The following TAB2 variants were observed in gnomAD, a reference collection of about 807,000 sequenced individuals.
TAB2 encodes the protein TGF-beta-activated kinase 1 and MAP3K7-binding protein 2.
A neutral mutation model predicts 65.0 loss-of-function variants in TAB2; 3 were observed. The ratio of observed to expected loss-of-function variants is 0.05; its 90% CI spans 0.02 to 0.12. The LOEUF is 0.12. Ranked by LOEUF, TAB2 falls within the 10% of genes least tolerant of loss-of-function variation. The pLI is 1.00. For missense variants in TAB2, 623 were observed against 840.3 expected (o/e 0.74, Z 3.20); for synonymous variants, 298 against 285.1 (o/e 1.05, Z -0.46).
chr6:149,380,140 T>G (rs1781561360), intron 3 of TAB2: 1 of 269,512 alleles, frequency 3.7e-6, no homozygotes, highest in Admixed American at 5.1e-5. Context: ...CTCAGTAGAC[T>G]GAGGTAGGAG....
upstream of TAB2, chr6:149,317,630 G>C (rs1049252782): frequency 6.3e-6 from 1 of 157,674 alleles, no homozygotes; most frequent in African/African-American, 2.4e-5. This position sits in a 1 kb window ranked among gnomAD's most constrained non-coding sequence, Gnocchi z 4.7. Flanking sequence ...GCAGGCGAGC[G>C]CGAGGGGGGT....
intron 1 of TAB2, among the ~76,000 whole-genome samples, chr6:149,357,430 A>AAAAAAAAACACACACACACACACACACAC: frequency 2.7e-5 from 3 of 111,146 alleles, no homozygotes; most frequent in African/African-American, 1.0e-4. Flanking sequence ...AGAAAAAAAA[A>AAAAAAAAACACACACACACACACACACAC]ACACACACAC....
At chr6:149,363,564 A>G (rs1562434837) in intron 1 of TAB2, among the ~76,000 whole-genome samples, 1 of 152,226 alleles carries the variant, frequency 6.6e-6, no homozygotes, top group Non-Finnish European at 1.5e-5. Flanking sequence ...ATTCATTAAG[A>G]TGTTTGAAAA....
chr6:149,356,509 G>A (rs899691796), intron 1 of TAB2, among the ~76,000 whole-genome samples: 2 of 152,150 alleles, frequency 1.3e-5, no homozygotes, highest in Non-Finnish European at 2.9e-5. Flanking sequence ...CAGACTGAAT[G>A]TCTGGTGAAT....
chr6:149,391,828 A>G (rs1331023465), intron 3 of TAB2, among the ~76,000 whole-genome samples: 2 of 152,162 alleles, frequency 1.3e-5, no homozygotes, highest in Non-Finnish European at 2.9e-5. Flanking sequence ...GGCATGAGCC[A>G]TCATACCCGG....
Position 149,260,357 on chromosome 6 carries a change from T to A in TAB2, c.-121+41581T>A, listed in dbSNP as rs551849574. ...ACCCACCGCGTGCTCCAGCGCAGCC[T>A]TCTCAGGGTTCGGCTTTGGAGTGGG... On this transcript the variant is annotated intron_variant, in intron 1 of 1. Transcript: ENST00000606202. 7.2e-5 allele frequency among the ~76,000 whole-genome samples: 11 copies of A among 152,338 alleles called. No individual in the cohort carries two copies. The South Asian group carries it at 2.3e-3, about 32-fold the overall frequency.
chr6:149,406,606 C>G (rs1479436928), intron 6 of TAB2, among the ~76,000 whole-genome samples: 1 of 152,150 alleles, frequency 6.6e-6, no homozygotes, highest in African/African-American at 2.4e-5. Flanking sequence ...GAAATGGGAA[C>G]AAGGAAGAAC....
chr6:149,240,705 T>C (rs1166668236), intron 1 of TAB2, among the ~76,000 whole-genome samples: 1 of 152,198 alleles, frequency 6.6e-6, no homozygotes, highest in Non-Finnish European at 1.5e-5. Context: ...AATGAACATG[T>C]TTTAAGTGTA....
intron 1 of TAB2, among the ~76,000 whole-genome samples, chr6:149,297,717 G>A (rs1403061757): frequency 2.6e-5 from 4 of 151,950 alleles, no homozygotes; most frequent in Non-Finnish European, 5.9e-5. Context: ...TTTTTTTGTA[G>A]AGACAGGGTC....
chr6:149,241,547 C>A (rs2114642936), intron 1 of TAB2, among the ~76,000 whole-genome samples: 1 of 152,256 alleles, frequency 6.6e-6, no homozygotes, highest in East Asian at 1.9e-4. Flanking sequence ...AGTCTGCTTG[C>A]AAATTGATTC....
rs147370890 is a variant in TAB2, at chr6:149,265,727, G to A, written c.-121+46951G>A. 3.9e-5 allele frequency among the ~76,000 whole-genome samples: 6 copies of A among 152,296 alleles called. No homozygotes were observed. The East Asian group carries it at 5.8e-4, about 15-fold the overall frequency. ...TGTAAGACTGGGGTTCAACGCCAAC[G>A]CCCCAAGCCCCACGCGCGAGCCTGC... On this transcript the variant is annotated intron_variant, in intron 1 of 1. Coordinates refer to the TAB2 transcript ENST00000606202.
At chr6:149,376,869 T>C (rs1781413993) in intron 2 of TAB2, among the ~76,000 whole-genome samples, 2 of 149,372 alleles carry the variant, frequency 1.3e-5, no homozygotes, top group Non-Finnish European at 3.0e-5. Flanking sequence ...GAGAATTCTT[T>C]AAAAACAATC....
At chr6:149,402,135 G>A (rs1782447346) in intron 6 of TAB2, among the ~76,000 whole-genome samples, 1 of 151,436 alleles carries the variant, frequency 6.6e-6, no homozygotes, top group Non-Finnish European at 1.5e-5. Context: ...AACAGAAAAA[G>A]AAATAGTAAA....
intron 1 of TAB2, among the ~76,000 whole-genome samples, chr6:149,300,351 T>G (rs1778950110): frequency 6.6e-6 from 1 of 152,240 alleles, no homozygotes; most frequent in Non-Finnish European, 1.5e-5. Flanking sequence ...GGTGCGAGGT[T>G]GACAGGGTCA....
chr6:149,403,309 T>C (rs1327667491), intron 6 of TAB2, among the ~76,000 whole-genome samples: 2,243 of 69,596 alleles, frequency 0.032, 111 homozygotes, highest in Non-Finnish European at 0.05. Context: ...TATATATATA[T>C]ATATACACAC....
intron 1 of TAB2, among the ~76,000 whole-genome samples, chr6:149,338,967 A>G (rs1780016641): frequency 6.6e-6 from 1 of 152,240 alleles, no homozygotes; most frequent in African/African-American, 2.4e-5. Flanking sequence ...TGTGCCAGGC[A>G]CTGTTCTAAG....
chr6:149,249,172 A>ACACACACACG (rs1777805962), intron 1 of TAB2, among the ~76,000 whole-genome samples: 2 of 7,810 alleles, frequency 2.6e-4, no homozygotes, highest in African/African-American at 7.2e-4. Context: ...ACACACACGC[A>ACACACACACG]CACACACACA....
chr6:149,258,794 A>G (rs890441758), intron 1 of TAB2, among the ~76,000 whole-genome samples: 1 of 152,222 alleles, frequency 6.6e-6, no homozygotes, highest in Non-Finnish European at 1.5e-5. Flanking sequence ...TGACATGGCA[A>G]AGGGAAATTA....
At chr6:149,351,028 C>G (rs1051909674) in intron 1 of TAB2, among the ~76,000 whole-genome samples, 2 of 150,550 alleles carry the variant, frequency 1.3e-5, no homozygotes, top group African/African-American at 5.0e-5. Flanking sequence ...TTTGTCCCTC[C>G]TTTCTTCCTC....
Sources: gnomAD v4.1 joint callset for allele counts (sites outside exome capture counted in the v4.1 genomes callset) on GRCh38, gnomAD v4.1.1 for gene constraint, Gnocchi (gnomAD v3.1) non-coding constraint, MANE v1.5 for transcripts, NCBI Gene and HGNC (gene_info 2026-07-23, HGNC 2026-07-21) for gene names.